Variants in RPS5 observed in about 807,000 individuals in gnomAD.
The protein encoded by RPS5 is small ribosomal subunit protein uS7.
In RPS5, 2 loss-of-function variants were observed where a neutral mutation model predicts 20.9. That is an observed-to-expected ratio of 0.10 (90% CI 0.04 to 0.30). The LOEUF (loss-of-function observed/expected upper bound fraction) is 0.30. Among genes scored for constraint, RPS5 ranks in the 10% least tolerant of loss-of-function variants. The pLI, the probability that RPS5 is intolerant of heterozygous loss-of-function variation, is 1.00. For missense variants in RPS5, 122 were observed against 287.2 expected, an observed-to-expected ratio of 0.42 and a Z score of 4.16; for synonymous variants, 112 against 105.8, an observed-to-expected ratio of 1.06 and a Z score of -0.36.
intron 5 of RPS5, 27 bp from the exon 6 acceptor site, chr19:58,394,655 A>G (rs920621097): frequency 6.2e-7 from 1 of 1,613,894 alleles, no homozygotes; most frequent in Non-Finnish European, 8.5e-7. Context: ...GGTCCTTCAG[A>G]ATTCAGAGCT....
intron 2 of RPS5, 160 bp downstream of exon 2, chr19:58,388,405 G>C (rs563701800): frequency 2.7e-5 from 17 of 619,178 alleles, no homozygotes; most frequent in African/African-American, 2.7e-4. Flanking sequence ...CTGCTCTTAC[G>C]TCCTGTTCAA....
At chr19:58,387,866 G>A (rs895285618) in intron 1 of RPS5, 1 of 486,654 alleles carries the variant, frequency 2.1e-6, no homozygotes, top group Non-Finnish European at 3.7e-6. Flanking sequence ...GGCATCTGCT[G>A]AGCCATTATA....
intron 2 of RPS5, among the ~76,000 whole-genome samples, chr19:58,389,627 T>G (rs2052350287): frequency 6.6e-6 from 1 of 152,066 alleles, no homozygotes; most frequent in East Asian, 1.9e-4. Flanking sequence ...TTATTTTTTG[T>G]TTGTTTATTT....
chr19:58,391,966 G>T (rs1171194739), intron 2 of RPS5, among the ~76,000 whole-genome samples: 2 of 152,076 alleles, frequency 1.3e-5, no homozygotes, highest in Non-Finnish European at 2.9e-5. Context: ...ACTCTGGGGT[G>T]GTTGGTTTCC....
chr19:58,394,604 G>C lies in RPS5; in HGVS notation c.546+9G>C, dbSNP rs1369612963. 3 of 1,613,874 alleles carry C rather than the reference G, an allele frequency of 1.9e-6. No homozygotes were observed. In the Admixed American group the frequency reaches 5.0e-5, roughly 27 times the overall value. ...TCATCAATGCTGCCAAGGTGGGTGA[G>C]GGCACTCCGGTTGGGGGGTCTTAAG... On this transcript the variant is annotated intron_variant, in intron 5 of 5. Transcript: ENST00000196551.
rs534914084 is a variant in RPS5, at chr19:58,394,209, C to G, written c.448-288C>G. The G allele has an allele frequency of 1.0e-5, 4 of 384,874 alleles. No homozygotes were observed. The Admixed American group carries it at 1.5e-4, about 15-fold the overall frequency. 23.8% of individuals were successfully genotyped at this position (384,874 alleles called of 1,614,324 possible). A position where few individuals can be genotyped will look rare whatever the true frequency, so the allele number is the denominator to read the frequency against. On this transcript the variant is annotated intron_variant, in intron 4 of 5. Coordinates refer to ENST00000196551, the MANE Select transcript of RPS5 (RefSeq NM_001009.4). ...AAGTGTTCCTCCTGCCTCAGCATCC[C>G]GAAGTGTTACAGGCGCAAGCCACCG...
intron 2 of RPS5, among the ~76,000 whole-genome samples, chr19:58,389,799 G>C (rs1160780344): frequency 1.3e-5 from 2 of 151,612 alleles, no homozygotes; most frequent in African/African-American, 4.9e-5. Context: ...ACCACGCCTG[G>C]CTAATTTTTG....
intron 2 of RPS5, among the ~76,000 whole-genome samples, chr19:58,390,426 CTTTTTTTTTTTTTTTTTTTT>C (rs61279930): frequency 2.1e-5 from 1 of 47,662 alleles, no homozygotes; most frequent in African/African-American, 6.8e-5. Flanking sequence ...GCCACTGTTA[CTTTTTTTTTTTTTTTTTTTT>C]TTTTTTTTTG....
At chr19:58,390,385 GATA>G (rs2052354995) in intron 2 of RPS5, among the ~76,000 whole-genome samples, 1 of 141,990 alleles carries the variant, frequency 7.0e-6, no homozygotes, top group Non-Finnish European at 1.5e-5. Context: ...TATAGGCCCA[GATA>G]ATGTTTTAGA....
chr19:58,392,527 A>G (rs971207216), intron 2 of RPS5, among the ~76,000 whole-genome samples: 1 of 151,798 alleles, frequency 6.6e-6, no homozygotes, highest in Admixed American at 6.6e-5. Context: ...CGGGAGGTTG[A>G]GGCAGGAGAA....
At chr19:58,394,167 T>C in intron 4 of RPS5, 1 of 295,976 alleles carries the variant, frequency 3.4e-6, no homozygotes, top group Non-Finnish European at 6.6e-6. Flanking sequence ...CTCAGGCTGG[T>C]CTCAAACTCC....
chr19:58,388,248 G>A lies in RPS5; in HGVS notation c.108+3G>A. On this transcript the variant is annotated splice_donor_region_variant and intron_variant, in intron 2 of 5. Coordinates refer to ENST00000196551, the MANE Select transcript of RPS5 (RefSeq NM_001009.4). ...AGATCAATGACATTTCCCTGCAGGT[G>A]AGGGGAACTTGGTGATTGGCCTTCC... 8 of 1,602,066 alleles carry A rather than the reference G, an allele frequency of 5.0e-6. No homozygotes were observed. The highest frequency in any genetic ancestry group is 3.3e-5 in the South Asian group (3 of 89,778).
At chr19:58,392,931 G>C (rs1399490219) in intron 2 of RPS5, 45 bp from the exon 3 acceptor site, 1 of 1,588,484 alleles carries the variant, frequency 6.3e-7, no homozygotes, top group Non-Finnish European at 8.6e-7. Flanking sequence ...CGCCCATGCT[G>C]CTCCTGACCA....
chr19:58,389,810 T>A (rs1162388564), intron 2 of RPS5, among the ~76,000 whole-genome samples: 1 of 151,682 alleles, frequency 6.6e-6, no homozygotes, highest in African/African-American at 2.4e-5. Context: ...CTAATTTTTG[T>A]ATTTTTAGTA....
At chr19:58,393,299 T>A (rs1185433051) in intron 3 of RPS5, 60 bp from the exon 4 acceptor site, 1 of 1,608,280 alleles carries the variant, frequency 6.2e-7, no homozygotes, top group Non-Finnish European at 8.5e-7. Context: ...GTTTTAGGTA[T>A]GAGGAAAGGG....
rs781156807 is a variant in RPS5 at position 58,394,521 on chromosome 19, G to A, written c.472G>A (p.Ala158Thr). Reference protein sequence around the residue: ...NQAIWLLCTGAREAAFRNIKT... With the variant: ...NQAIWLLCTGTREAAFRNIKT... The stretch of plus-strand genomic sequence containing the variant: ...GGCCATCTGGCTGCTGTGCACAGGC[G>A]CTCGTGAGGCTGCCTTCCGGAACAT... Residue 158 changes from alanine (A) to threonine (T), a missense_variant, in exon 5 of 6, where the codon GCT becomes ACT. This residue lies in a region of RPS5 where 24 missense variants were observed against 36.7 expected (regional missense o/e 0.65). Coordinates refer to ENST00000196551, the MANE Select transcript of RPS5 (RefSeq NM_001009.4). 3.1e-6 allele frequency: 5 copies of A among 1,614,076 alleles called. No individual in the cohort carries two copies. Among genetic ancestry groups the A allele is most frequent in the Non-Finnish European group, 4.2e-6 (5 of 1,180,008 alleles).
intron 2 of RPS5, chr19:58,388,635 AG>A: frequency 6.0e-5 from 12 of 200,620 alleles, no homozygotes; most frequent in African/African-American, 1.6e-4. Flanking sequence ...AGCTGGCCGT[AG>A]TTTTTTTTTT....
chr19:58,387,877 C>T (rs1457470282), intron 1 of RPS5: 4 of 517,398 alleles, frequency 7.7e-6, no homozygotes, highest in Non-Finnish European at 1.4e-5. Context: ...AGCCATTATA[C>T]CTTGGTCCCA....
At chr19:58,390,048 C>T (rs1484388950) in intron 2 of RPS5, among the ~76,000 whole-genome samples, 1 of 151,964 alleles carries the variant, frequency 6.6e-6, no homozygotes, top group Non-Finnish European at 1.5e-5. Context: ...GCACATGCCA[C>T]CGCACCCAGC....
Sources: allele counts gnomAD v4.1 joint callset (sites outside exome capture counted in the v4.1 genomes callset), GRCh38; gene constraint gnomAD v4.1.1; regional missense constraint gnomAD v4.1.1; transcripts MANE v1.5; gene names NCBI Gene and HGNC (gene_info 2026-07-23, HGNC 2026-07-21).